The following BTBD1 variants were observed in gnomAD, a reference collection of about 807,000 sequenced individuals.
BTBD1 encodes BTB domain containing 1, also known as BTB/POZ domain-containing protein 1.
BTBD1 carries 34 observed loss-of-function variants against 48.0 expected under a neutral mutation model. The ratio of observed to expected loss-of-function variants is 0.71; its 90% CI spans 0.54 to 0.94. The LOEUF (loss-of-function observed/expected upper bound fraction) is 0.94. Among genes scored for constraint, BTBD1 ranks in the 40% least tolerant of loss-of-function variants. The probability of loss-of-function intolerance (pLI) is 0.00; values close to 1 mark genes in which losing one functional copy is unlikely to be tolerated. For synonymous variants in BTBD1, 261 were observed against 242.1 expected (o/e 1.08, Z -0.72); for missense variants, 543 against 625.6 (o/e 0.87, Z 1.41).
chr15:83,049,669 T>C (rs1465974608), intron 3 of BTBD1, among the ~76,000 whole-genome samples: 6 of 152,220 alleles, frequency 3.9e-5, no homozygotes, highest in Non-Finnish European at 8.8e-5. Context: ...CGGGGTTTGC[T>C]GTACCGACTA....
At chr15:83,020,962 G>T (rs2032282965) in intron 5 of BTBD1, among the ~76,000 whole-genome samples, 200 bp from the exon 6 acceptor site, 1 of 152,170 alleles carries the variant, frequency 6.6e-6, no homozygotes, top group Non-Finnish European at 1.5e-5. Flanking sequence ...AGGAACCTAA[G>T]AATTGGTTTT....
intron 1 of BTBD1, 38 bp downstream of exon 1, chr15:83,066,709 CCCGG>C: frequency 8.6e-7 from 1 of 1,165,560 alleles, no homozygotes; most frequent in Non-Finnish European, 1.1e-6. Flanking sequence ...CCCGGCCCGG[CCCGG>C]CCCGGCCCGG....
At chr15:83,042,530 C>T (rs1213575756) in intron 3 of BTBD1, among the ~76,000 whole-genome samples, 3 of 151,686 alleles carry the variant, frequency 2.0e-5, no homozygotes, top group African/African-American at 2.4e-5. Flanking sequence ...ATTACTGGCA[C>T]GGGCCACCAC....
chr15:83,020,389 G>A (rs2032270517), intron 6 of BTBD1: 2 of 261,076 alleles, frequency 7.7e-6, no homozygotes. Flanking sequence ...CATGAAAAAG[G>A]CAGGAGGATG....
At chr15:83,055,390 C>T (rs1331991140) in intron 2 of BTBD1, among the ~76,000 whole-genome samples, 1 of 151,038 alleles carries the variant, frequency 6.6e-6, no homozygotes, top group Non-Finnish European at 1.5e-5. Flanking sequence ...CCCAAGTAGC[C>T]AGGGTTACAG....
intron 4 of BTBD1, among the ~76,000 whole-genome samples, chr15:83,037,051 A>G (rs1163635080): frequency 6.6e-6 from 1 of 152,148 alleles, no homozygotes; most frequent in Non-Finnish European, 1.5e-5. Flanking sequence ...TTTAAAAAAA[A>G]CCCAAACACT....
At chr15:83,020,025 A>G (rs1413817659) in intron 6 of BTBD1, 1 of 151,902 alleles carries the variant, frequency 6.6e-6, no homozygotes, top group Non-Finnish European at 1.5e-5. Flanking sequence ...CTGTAATCCC[A>G]ATGCCTTGGG....
intron 1 of BTBD1, among the ~76,000 whole-genome samples, chr15:83,060,229 T>C (rs1225330053): frequency 1.3e-5 from 2 of 152,072 alleles, no homozygotes; most frequent in Non-Finnish European, 2.9e-5. Flanking sequence ...TCTTGATTCA[T>C]ATGTATACAT....
intron 5 of BTBD1, among the ~76,000 whole-genome samples, chr15:83,027,080 G>A (rs2032424437): frequency 6.6e-6 from 1 of 152,086 alleles, no homozygotes; most frequent in African/African-American, 2.4e-5. Context: ...CCAGCCAGGC[G>A]TGGTGGGTCA....
Position 83,017,631 on chromosome 15 carries a change from A to C in BTBD1, c.*436T>G, listed in dbSNP as rs1332025637. 6.5e-6 allele frequency: 1 copy of C among 152,754 alleles called. No individual in the cohort carries two copies. Among genetic ancestry groups the C allele is most frequent in the East Asian group, 1.9e-4 (1 of 5,206 alleles). The allele number at this position is 152,754 out of a possible 1,614,324, so 9.5% of individuals were successfully genotyped here. On this transcript the variant is annotated 3_prime_UTR_variant, in exon 8 of 8. Transcript: ENST00000261721. ...TTTGAGTTAATAAGAATTCTGTAGG[A>C]ATACTGACCCATCTCTTTTCATCCA... is the stretch of plus-strand genomic sequence containing the variant.
intron 2 of BTBD1, among the ~76,000 whole-genome samples, chr15:83,051,707 A>AT (rs1037698021): frequency 8.7e-5 from 13 of 150,184 alleles, no homozygotes; most frequent in East Asian, 3.9e-4. Context: ...GAATTTCCTT[A>AT]TTTTTTTTTA....
chr15:83,025,142 T>A (rs1216130707), intron 5 of BTBD1, among the ~76,000 whole-genome samples: 1 of 151,892 alleles, frequency 6.6e-6, no homozygotes, highest in African/African-American at 2.4e-5. Flanking sequence ...TCACCTGAGG[T>A]CAGGAGTTCA....
intron 5 of BTBD1, among the ~76,000 whole-genome samples, chr15:83,026,514 G>A (rs989050071): frequency 5.5e-5 from 7 of 127,886 alleles, no homozygotes; most frequent in Admixed American, 2.5e-4. Flanking sequence ...AGATTTTTTA[G>A]TGCTTTTTTT....
chr15:83,047,170 C>G (rs930542056), intron 3 of BTBD1, among the ~76,000 whole-genome samples: 3 of 152,124 alleles, frequency 2.0e-5, no homozygotes, highest in African/African-American at 4.8e-5. Flanking sequence ...CATATATATA[C>G]AGAGACAAAT....
chr15:83,052,811 T>G (rs11635968), intron 2 of BTBD1, among the ~76,000 whole-genome samples: 2,376 of 144,742 alleles, frequency 0.016, 55 homozygotes, highest in Non-Finnish European at 0.025. Flanking sequence ...TTTTTTTTTT[T>G]TTTTTTTTTT....
chr15:83,064,599 G>T (rs890751696), intron 1 of BTBD1, among the ~76,000 whole-genome samples: 1 of 151,882 alleles, frequency 6.6e-6, no homozygotes, highest in African/African-American at 2.4e-5. Flanking sequence ...AATAGTTTTA[G>T]ATTTGTGGTT....
intron 4 of BTBD1, among the ~76,000 whole-genome samples, chr15:83,039,883 G>T (rs1372289465): frequency 6.7e-6 from 1 of 149,948 alleles, no homozygotes; most frequent in Non-Finnish European, 1.5e-5. Flanking sequence ...CAAAAGAAAA[G>T]AAAATGTTCC....
chr15:83,018,616 T>G, intron 7 of BTBD1, 91 bp downstream of exon 7: 1 of 1,421,136 alleles, frequency 7.0e-7, no homozygotes, highest in East Asian at 2.4e-5. Flanking sequence ...TCTTTATAAA[T>G]GGCTCAGCTG....
chr15:83,032,406 T>C (rs28755408), intron 4 of BTBD1, among the ~76,000 whole-genome samples: 9,926 of 151,892 alleles, frequency 0.065, 350 homozygotes, highest in Middle Eastern at 0.1. Context: ...AAATAAGTCA[T>C]TACATGAAAA....
Sources: allele counts gnomAD v4.1 joint callset (sites outside exome capture counted in the v4.1 genomes callset), GRCh38; gene constraint gnomAD v4.1.1; transcripts MANE v1.5; gene names NCBI Gene and HGNC (gene_info 2026-07-23, HGNC 2026-07-21).